SDK1: variants seen among roughly 807,000 people sequenced by gnomAD.
SDK1 encodes the protein protein sidekick-1.
SDK1 carries 157 observed loss-of-function variants against 245.5 expected under a neutral mutation model. The observed-to-expected ratio is 0.64, with a 90% CI of 0.56 to 0.73. The LOEUF is 0.73. SDK1 is among the 30% of genes least tolerant of loss of function. The pLI is 0.00. For missense variants in SDK1, 3,583 were observed against 3,002.3 expected (o/e 1.19, Z -4.52); for synonymous variants, 1,647 against 1,278.5 (o/e 1.29, Z -6.15).
chr7:3,627,980 C>G (rs1260260556), intron 2 of SDK1, among the ~76,000 whole-genome samples: 1 of 152,152 alleles, frequency 6.6e-6, no homozygotes, highest in African/African-American at 2.4e-5. Flanking sequence ...CATTCTCAAG[C>G]CATTTCTTTC....
intron 1 of SDK1, among the ~76,000 whole-genome samples, chr7:3,419,459 G>A (rs574837842): frequency 3.5e-4 from 53 of 152,266 alleles, no homozygotes; most frequent in Non-Finnish European, 6.9e-4. Context: ...GTGTCTCGGG[G>A]AAACATCAGC....
At chr7:3,557,815 A>G (rs1409085950) in intron 1 of SDK1, among the ~76,000 whole-genome samples, 2 of 152,112 alleles carry the variant, frequency 1.3e-5, no homozygotes, top group Non-Finnish European at 1.5e-5. Flanking sequence ...CCCTGACTGT[A>G]TGACTCCAGA....
chr7:3,370,663 C>T (rs184383624), intron 1 of SDK1, among the ~76,000 whole-genome samples: 4 of 152,334 alleles, frequency 2.6e-5, no homozygotes, highest in Admixed American at 1.3e-4. Flanking sequence ...GCAGAATGTT[C>T]TTCAATATGG....
intron 14 of SDK1, among the ~76,000 whole-genome samples, chr7:4,003,863 A>C (rs1256798433): frequency 6.6e-6 from 1 of 152,240 alleles, no homozygotes; most frequent in Non-Finnish European, 1.5e-5. Flanking sequence ...AAGCCTCCCC[A>C]CTTAGCTCCA....
Position 3,968,181 on chromosome 7 carries a change from C to A in SDK1, c.1546+747C>A, listed in dbSNP as rs939258853. Among the ~76,000 whole-genome samples, 4 of 152,202 alleles carry A rather than the reference C, an allele frequency of 2.6e-5. No homozygotes were observed. The East Asian group carries it at 7.7e-4, about 29-fold the overall frequency. On this transcript the variant is annotated intron_variant, in intron 10 of 44. Transcript: ENST00000404826. The stretch of plus-strand genomic sequence containing the variant: ...GCCTTTGTTTTGTTGAAGAAAGATG[C>A]TTCCAGGGCCACATCGTTCCGTGCC...
chr7:4,072,046 C>T (rs371730890), intron 20 of SDK1, among the ~76,000 whole-genome samples: 74 of 152,372 alleles, frequency 4.9e-4, no homozygotes, highest in African/African-American at 1.7e-3. Context: ...CACGGCTAAG[C>T]AGTGGTTGCC....
intron 1 of SDK1, among the ~76,000 whole-genome samples, chr7:3,328,002 C>T (rs76779503): frequency 0.04 from 6,144 of 152,036 alleles, 382 homozygotes; most frequent in African/African-American, 0.13. Context: ...CCTGTTTGTC[C>T]CTCTGGAGGC....
At chr7:3,800,247 G>A (rs905778042) in intron 4 of SDK1, among the ~76,000 whole-genome samples, 3 of 152,150 alleles carry the variant, frequency 2.0e-5, no homozygotes, top group African/African-American at 7.2e-5. Context: ...TTCTTAGCCA[G>A]CTGGCACTGG....
intron 4 of SDK1, among the ~76,000 whole-genome samples, chr7:3,733,798 G>T (rs561860291): frequency 2.4e-4 from 37 of 152,326 alleles, no homozygotes; most frequent in African/African-American, 8.9e-4. Context: ...CCTACAGGAG[G>T]CTGTAACACT....
At chr7:3,596,105 T>G (rs1445652912) in intron 1 of SDK1, among the ~76,000 whole-genome samples, 1 of 152,074 alleles carries the variant, frequency 6.6e-6, no homozygotes, top group East Asian at 1.9e-4. Context: ...ATCTAAAAAT[T>G]CCAAATCTGA....
chr7:4,025,030 AC>A (rs1368617087), intron 17 of SDK1, among the ~76,000 whole-genome samples: 1 of 151,626 alleles, frequency 6.6e-6, no homozygotes, highest in South Asian at 2.1e-4. Flanking sequence ...ACACACACAC[AC>A]ACACACACAC....
At chr7:4,064,228 G>A (rs983887656) in intron 19 of SDK1, among the ~76,000 whole-genome samples, 5 of 151,942 alleles carry the variant, frequency 3.3e-5, no homozygotes, top group African/African-American at 7.2e-5. Flanking sequence ...CAGCTCAACA[G>A]TTTAAAAAAT....
intron 4 of SDK1, among the ~76,000 whole-genome samples, chr7:3,814,461 C>T (rs1157186931): frequency 2.0e-5 from 3 of 151,538 alleles, no homozygotes; most frequent in Admixed American, 6.6e-5. Flanking sequence ...TGTTCTGTTC[C>T]GTTGATCTGT....
At chr7:3,926,316 T>C (rs1779765603) in intron 5 of SDK1, among the ~76,000 whole-genome samples, 1 of 152,206 alleles carries the variant, frequency 6.6e-6, no homozygotes, top group Non-Finnish European at 1.5e-5. Flanking sequence ...CTGCACTTTA[T>C]AGACACTTAG....
chr7:4,257,271 C>T (rs1787693432), intron 44 of SDK1, among the ~76,000 whole-genome samples: 1 of 152,204 alleles, frequency 6.6e-6, no homozygotes, highest in Non-Finnish European at 1.5e-5. Context: ...TTCCAGGCGT[C>T]TGTGCACCTT....
chr7:4,103,352 A>G (rs1005409151), intron 22 of SDK1, among the ~76,000 whole-genome samples: 1 of 152,148 alleles, frequency 6.6e-6, no homozygotes, highest in African/African-American at 2.4e-5. Flanking sequence ...CTCCCTCTAC[A>G]TCAGCACATT....
intron 1 of SDK1, among the ~76,000 whole-genome samples, chr7:3,456,981 G>A (rs1562497479): frequency 2.0e-5 from 3 of 152,148 alleles, no homozygotes; most frequent in Admixed American, 2.0e-4. Flanking sequence ...GGACTCCCCC[G>A]ATCCTTGCAG....
At chr7:3,315,239 T>C (rs1423855847) in intron 1 of SDK1, among the ~76,000 whole-genome samples, 1 of 152,136 alleles carries the variant, frequency 6.6e-6, no homozygotes, top group South Asian at 2.1e-4. Flanking sequence ...CTTTGTAGAG[T>C]GTACTAGCTT....
intron 5 of SDK1, among the ~76,000 whole-genome samples, chr7:3,890,286 G>A (rs1239354302): frequency 6.6e-6 from 1 of 152,218 alleles, no homozygotes; most frequent in Non-Finnish European, 1.5e-5. Context: ...CACTTACAAT[G>A]TGGTACAATC....
Sources: allele counts gnomAD v4.1 joint callset (sites outside exome capture counted in the v4.1 genomes callset), GRCh38; gene constraint gnomAD v4.1.1; transcripts MANE v1.5; gene names NCBI Gene and HGNC (gene_info 2026-07-23, HGNC 2026-07-21).